TYW1B: variants seen among roughly 807,000 people sequenced by gnomAD.
TYW1B encodes S-adenosyl-L-methionine-dependent tRNA 4-demethylwyosine synthase TYW1B.
TYW1B carries 73 observed loss-of-function variants against 86.9 expected under a neutral mutation model. The observed-to-expected ratio is 0.84, with a 90% CI of 0.70 to 1.02. The LOEUF (loss-of-function observed/expected upper bound fraction) is 1.02. Among genes scored for constraint, TYW1B ranks in the 50% least tolerant of loss-of-function variants. The probability of loss-of-function intolerance (pLI) is 0.00; values close to 1 mark genes in which losing one functional copy is unlikely to be tolerated. For missense variants in TYW1B, 637 were observed against 827.4 expected (o/e 0.77, Z 2.82); for synonymous variants, 248 against 292.8 (o/e 0.85, Z 1.56).
intron 11 of TYW1B, among the ~76,000 whole-genome samples, chr7:72,631,684 T>C (rs1188631984): frequency 2.6e-5 from 4 of 152,188 alleles, no homozygotes; most frequent in African/African-American, 7.2e-5. Context: ...ATATGACTGG[T>C]TTCTTGGAAA....
intron 8 of TYW1B, among the ~76,000 whole-genome samples, chr7:72,731,393 C>CA (rs59262388): frequency 0.58 from 19,163 of 33,112 alleles, 6,020 homozygotes; most frequent in Non-Finnish European, 0.65. Context: ...TACCAAACTG[C>CA]AAAAAAAAAA....
intron 9 of TYW1B, among the ~76,000 whole-genome samples, chr7:72,719,401 C>T (rs767965681): frequency 6.6e-6 from 1 of 151,728 alleles, no homozygotes; most frequent in Non-Finnish European, 1.5e-5. Context: ...GAGGCTGAGG[C>T]GGGTGGATCA....
At chr7:72,800,209 T>C (rs1360772668) in intron 6 of TYW1B, among the ~76,000 whole-genome samples, 1 of 152,100 alleles carries the variant, frequency 6.6e-6, no homozygotes, top group Non-Finnish European at 1.5e-5. Flanking sequence ...TCTTTTTTTT[T>C]TTTTTTGAAA....
chr7:72,598,065 T>C (rs1185328551), intron 13 of TYW1B, among the ~76,000 whole-genome samples: 7 of 152,242 alleles, frequency 4.6e-5, no homozygotes, highest in African/African-American at 1.7e-4. Context: ...GTATTAATCC[T>C]GGGTGTTTCT....
intron 10 of TYW1B, among the ~76,000 whole-genome samples, chr7:72,703,027 T>TATA (rs1491405653): frequency 1.4e-4 from 1 of 6,918 alleles, no homozygotes; most frequent in African/African-American, 5.2e-4. Flanking sequence ...TATATATATA[T>TATA]TTTTTTTTTT....
At chr7:72,777,065 A>C (rs1230796972) in intron 7 of TYW1B, among the ~76,000 whole-genome samples, 1 of 152,172 alleles carries the variant, frequency 6.6e-6, no homozygotes, top group Non-Finnish European at 1.5e-5. Flanking sequence ...ATAAGGTAAG[A>C]CCACAAAAAT....
chr7:72,783,873 C>T (rs1367246057), intron 6 of TYW1B, among the ~76,000 whole-genome samples: 4 of 152,190 alleles, frequency 2.6e-5, no homozygotes, highest in African/African-American at 9.7e-5. Flanking sequence ...CCTCTTGTTT[C>T]TAGGTGAAGT....
intron 13 of TYW1B, among the ~76,000 whole-genome samples, chr7:72,610,780 G>GC (rs1563029151): frequency 2.0e-5 from 3 of 152,128 alleles, no homozygotes; most frequent in Non-Finnish European, 4.4e-5. Flanking sequence ...GCTGGCTATC[G>GC]CAACAGTGTT....
chr7:72,619,068 G>A (rs759714057), intron 12 of TYW1B, among the ~76,000 whole-genome samples: 2 of 152,134 alleles, frequency 1.3e-5, no homozygotes, highest in South Asian at 2.1e-4. Context: ...GCGCATGTCC[G>A]AGGACTTTCC....
At chr7:72,607,162 A>G (rs1398291566) in intron 13 of TYW1B, among the ~76,000 whole-genome samples, 7 of 151,828 alleles carry the variant, frequency 4.6e-5, no homozygotes, top group East Asian at 1.9e-4. Flanking sequence ...GGAGGTGGAG[A>G]TGGGTGGATC....
intron 11 of TYW1B, among the ~76,000 whole-genome samples, chr7:72,686,894 AT>A (rs1332258240): frequency 2.0e-5 from 3 of 152,116 alleles, no homozygotes; most frequent in African/African-American, 7.2e-5. Context: ...TTAAAAAAAA[AT>A]CCAGACCCCC....
chr7:72,750,115 G>T (rs1480669518), intron 7 of TYW1B, among the ~76,000 whole-genome samples: 1 of 151,350 alleles, frequency 6.6e-6, no homozygotes, highest in Non-Finnish European at 1.5e-5. Context: ...TGCCCAGGCT[G>T]GTCTCAAACT....
At chr7:72,669,998 G>A (rs1418739978) in intron 11 of TYW1B, among the ~76,000 whole-genome samples, 1 of 151,866 alleles carries the variant, frequency 6.6e-6, no homozygotes, top group Admixed American at 6.6e-5. Flanking sequence ...GGCTGTGGTG[G>A]CACATGCCTG....
intron 10 of TYW1B, among the ~76,000 whole-genome samples, chr7:72,701,807 A>T (rs1814482716): frequency 6.6e-6 from 1 of 152,148 alleles, no homozygotes. Flanking sequence ...ATGGACAGAG[A>T]TATCCTTAAA....
chr7:72,806,301 T>C (rs541441872), intron 5 of TYW1B, among the ~76,000 whole-genome samples: 1 of 150,756 alleles, frequency 6.6e-6, no homozygotes, highest in East Asian at 1.9e-4. Flanking sequence ...AGTCGCGTGA[T>C]CTCAGATCAC....
chr7:72,767,134 C>T (rs185606243), intron 7 of TYW1B, among the ~76,000 whole-genome samples: 58 of 152,030 alleles, frequency 3.8e-4, no homozygotes, highest in Non-Finnish European at 7.2e-4. Flanking sequence ...CTACAAAAAC[C>T]ACAACCTTGC....
At chr7:72,692,487 T>C (rs1814195134) in intron 11 of TYW1B, among the ~76,000 whole-genome samples, 1 of 152,012 alleles carries the variant, frequency 6.6e-6, no homozygotes, top group African/African-American at 2.4e-5. Context: ...GTGTTCTAGC[T>C]TTGGTGACAG....
chr7:72,728,783 A>G (rs1787051669), intron 9 of TYW1B, 39 bp downstream of exon 9: 7 of 1,578,910 alleles, frequency 4.4e-6, no homozygotes, highest in Non-Finnish European at 6.0e-6. Flanking sequence ...CAGACTATTA[A>G]CAAGTATTAG....
intron 11 of TYW1B, among the ~76,000 whole-genome samples, chr7:72,673,514 C>A (rs1389384463): frequency 2.0e-5 from 3 of 152,140 alleles, no homozygotes; most frequent in African/African-American, 7.2e-5. Context: ...GCAAACATCA[C>A]GTGTTCTCAC....
Sources: allele counts gnomAD v4.1 joint callset (sites outside exome capture counted in the v4.1 genomes callset), GRCh38; gene constraint gnomAD v4.1.1; transcripts MANE v1.5; gene names NCBI Gene and HGNC (gene_info 2026-07-23, HGNC 2026-07-21).